Variants in UTRN observed in about 807,000 individuals in gnomAD.
UTRN encodes the protein utrophin.
In UTRN, 283 loss-of-function variants were observed where a neutral mutation model predicts 463.9. That is an observed-to-expected ratio of 0.61 (90% CI 0.55 to 0.67). The LOEUF is 0.67. Among genes scored for constraint, UTRN ranks in the 30% least tolerant of loss-of-function variants. The pLI is 0.00. For synonymous variants in UTRN, 1,442 were observed against 1,431.5 expected (o/e 1.01, Z -0.17); for missense variants, 3,922 against 4,084.3 (o/e 0.96, Z 1.08).
intron 74 of UTRN, among the ~76,000 whole-genome samples, chr6:144,849,676 C>G (rs146911577): frequency 6.6e-6 from 1 of 152,020 alleles, no homozygotes; most frequent in Non-Finnish European, 1.5e-5. Flanking sequence ...ATATTTTCAC[C>G]TGGAGGGTTG....
rs1362046119 is a variant in UTRN, at chr6:144,751,911, C to T, written c.8314C>T (p.Arg2772Cys). 1.9e-6 allele frequency: 3 copies of T among 1,611,230 alleles called. No homozygotes were observed. The highest frequency in any genetic ancestry group is 2.5e-6 in the Non-Finnish European group (3 of 1,178,726). Residue 2772 changes from arginine (R) to cysteine (C), a missense_variant, in exon 56 of 75, where the codon CGC (arginine) becomes TGC (cysteine). This residue lies in a region of UTRN where 1,309 missense variants were observed against 1,452.6 expected (regional missense o/e 0.90). Transcript: ENST00000367545. ...CCTGCATCCCTCTCTAAAGATGTCT[C>T]GCCAGCTAGATGACCTTAATATGCG... The part of the protein sequence containing the change: ...LDLHPSLKMS[R>C]QLDDLNMRWK...
intron 53 of UTRN, among the ~76,000 whole-genome samples, chr6:144,701,563 C>T (rs978691567): frequency 6.6e-6 from 1 of 152,108 alleles, no homozygotes; most frequent in Non-Finnish European, 1.5e-5. Context: ...CCATTGATTT[C>T]TTTAATATCT....
rs1222466286 is a variant in UTRN at position 144,835,833 on chromosome 6, C to T, written c.9719C>T (p.Ser3240Phe). The T allele has an allele frequency of 9.9e-6, 16 of 1,613,984 alleles. No individual in the cohort carries two copies. Among genetic ancestry groups the T allele is most frequent in the Non-Finnish European group, 1.3e-5 (15 of 1,179,998 alleles). ...TATTGCCAAACACTCGGAGGAGAGT[C>T]CCCAGTGAGCCAGCCGCAGAGCCCA... Reference protein sequence around the residue: ...QQYCQTLGGESPVSQPQSPAQ... With the variant: ...QQYCQTLGGEFPVSQPQSPAQ... The change falls in exon 70 of 75, where the codon TCC becomes TTC. Residue 3240 changes from serine (S) to phenylalanine (F), a missense_variant. By Grantham distance (155) the Ser-to-Phe change is radical (BLOSUM62 -2). Around this residue, in one of 3 missense-constraint regions of UTRN, gnomAD observed 1,309 missense variants for 1,452.6 expected, o/e 0.90. Transcript: ENST00000367545.
chr6:144,804,623 T>G (rs887971748), intron 65 of UTRN, among the ~76,000 whole-genome samples: 1 of 152,138 alleles, frequency 6.6e-6, no homozygotes, highest in Admixed American at 6.5e-5. Context: ...AAAGCATTGG[T>G]CAGCATCAGT....
intron 58 of UTRN, among the ~76,000 whole-genome samples, chr6:144,768,660 A>C (rs898825958): frequency 6.6e-5 from 10 of 152,224 alleles, no homozygotes; most frequent in Admixed American, 6.5e-4. Flanking sequence ...CAATATCCAC[A>C]GGACAATAAT....
chr6:144,686,929 G>T (rs1313265368), intron 52 of UTRN, among the ~76,000 whole-genome samples: 1 of 152,054 alleles, frequency 6.6e-6, no homozygotes, highest in African/African-American at 2.4e-5. Context: ...CATGTTGATT[G>T]TCACCTAGAC....
chr6:144,724,885 GC>G (rs1414825024), intron 53 of UTRN, among the ~76,000 whole-genome samples: 1 of 152,148 alleles, frequency 6.6e-6, no homozygotes, highest in Non-Finnish European at 1.5e-5. Context: ...TATGAATAAG[GC>G]TACTATAAAC....
rs533024788 is a variant in UTRN at position 144,309,410 on chromosome 6, G to A, written c.79+17503G>A. Among the ~76,000 whole-genome samples, 26 of 152,158 alleles carry A rather than the reference G, an allele frequency of 1.7e-4. No homozygotes were observed. The South Asian group carries it at 2.1e-3, about 12-fold the overall frequency. ...TGAAAATCTGAACTCCTGATCTCCC[G>A]TAAACCCCAAAGCTGATCCCACAGT... On this transcript the variant is annotated intron_variant, in intron 2 of 74. Coordinates refer to ENST00000367545, the MANE Select transcript of UTRN (RefSeq NM_007124.3).
At chr6:144,728,375 ATG>A (rs953971124) in intron 53 of UTRN, among the ~76,000 whole-genome samples, 9 of 152,014 alleles carry the variant, frequency 5.9e-5, no homozygotes, top group African/African-American at 1.7e-4. Flanking sequence ...AGACTTGTAA[ATG>A]TGTATTTTTT....
intron 2 of UTRN, among the ~76,000 whole-genome samples, chr6:144,360,042 C>T (rs1367309300): frequency 3.5e-5 from 2 of 57,458 alleles, no homozygotes; most frequent in African/African-American, 2.0e-4. Context: ...TTTCCCTTCC[C>T]TTCCCTTCCC....
chr6:144,334,769 G>A (rs1176783230), intron 2 of UTRN, among the ~76,000 whole-genome samples: 2 of 152,222 alleles, frequency 1.3e-5, no homozygotes, highest in Non-Finnish European at 2.9e-5. Context: ...CAAGATGCAT[G>A]CTATGGCTGA....
chr6:144,737,130 A>G (rs1789504191), intron 54 of UTRN, among the ~76,000 whole-genome samples: 1 of 152,048 alleles, frequency 6.6e-6, no homozygotes, highest in East Asian at 1.9e-4. Flanking sequence ...AGTCTGAAAG[A>G]GTGTAAAAAA....
chr6:144,726,067 G>A (rs1787846758), intron 53 of UTRN, among the ~76,000 whole-genome samples: 1 of 152,042 alleles, frequency 6.6e-6, no homozygotes, highest in Admixed American at 6.5e-5. Flanking sequence ...GGAGTTTAAT[G>A]TGGTTAGGAA....
At chr6:144,407,322 A>C (rs902588749) in intron 3 of UTRN, among the ~76,000 whole-genome samples, 1 of 152,230 alleles carries the variant, frequency 6.6e-6, no homozygotes, top group African/African-American at 2.4e-5. Context: ...CTATATGTTC[A>C]TAAGCCACTT....
chr6:144,783,993 T>A (rs1203002765), intron 61 of UTRN, among the ~76,000 whole-genome samples: 1 of 152,220 alleles, frequency 6.6e-6, no homozygotes, highest in Non-Finnish European at 1.5e-5. Context: ...AAGTTGCTCT[T>A]CAATAATTTG....
At chr6:144,792,472 G>A (rs540162045) in intron 62 of UTRN, among the ~76,000 whole-genome samples, 41 of 152,158 alleles carry the variant, frequency 2.7e-4, no homozygotes, top group Non-Finnish European at 4.0e-4. Flanking sequence ...GCTTGAACCC[G>A]GTAGGTGGAG....
intron 23 of UTRN, among the ~76,000 whole-genome samples, chr6:144,464,099 G>T (rs182626705): frequency 6.6e-6 from 1 of 152,052 alleles, no homozygotes; most frequent in Admixed American, 6.5e-5. Flanking sequence ...AAGCAAATTT[G>T]CATAAGGAAT....
chr6:144,574,581 G>T lies in UTRN; in HGVS notation c.7290-2518G>T, dbSNP rs1477168368. On this transcript the variant is annotated intron_variant, in intron 50 of 74. Transcript: ENST00000367545. ...ATGTAGACATATGGTGGTTTTTTTT[G>T]TTGTTGTTTGTTTGTTTTTGAGACA... 1.6e-4 allele frequency among the ~76,000 whole-genome samples: 24 copies of T among 147,160 alleles called. No individual in the cohort carries two copies. The South Asian group carries it at 3.5e-3, about 22-fold the overall frequency.
intron 34 of UTRN, among the ~76,000 whole-genome samples, chr6:144,508,902 C>T (rs115866056): frequency 2.1e-3 from 317 of 152,190 alleles, no homozygotes; most frequent in African/African-American, 7.4e-3. Context: ...TGTTGCCTTT[C>T]GTTGTTTTCT....
Sources: allele counts gnomAD v4.1 joint callset (sites outside exome capture counted in the v4.1 genomes callset), GRCh38; gene constraint gnomAD v4.1.1; regional missense constraint gnomAD v4.1.1; transcripts MANE v1.5; gene names NCBI Gene and HGNC (gene_info 2026-07-23, HGNC 2026-07-21).